Variants in DOCK3 observed in about 807,000 individuals in gnomAD.
DOCK3 encodes dedicator of cytokinesis 3.
In DOCK3, 60 loss-of-function variants were observed where a neutral mutation model predicts 265.6. That is an observed-to-expected ratio of 0.23 (90% confidence interval 0.18 to 0.28). DOCK3 has a LOEUF of 0.28. Ranked by LOEUF, DOCK3 falls within the 10% of genes least tolerant of loss-of-function variation. DOCK3 has a pLI of 1.00. For missense variants in DOCK3, 1,981 were observed against 2,594.3 expected, an observed-to-expected ratio of 0.76 and a Z score of 5.14; for synonymous variants, 881 against 938.0, an observed-to-expected ratio of 0.94 and a Z score of 1.11.
chr3:51,036,599 G>A (rs538220874), intron 5 of DOCK3, among the ~76,000 whole-genome samples: 23 of 152,106 alleles, frequency 1.5e-4, no homozygotes, highest in African/African-American at 4.8e-4. Context: ...ATACTATACC[G>A]TACTCTGATG....
chr3:50,741,986 A>G (rs920980602), intron 1 of DOCK3, among the ~76,000 whole-genome samples: 2 of 152,106 alleles, frequency 1.3e-5, no homozygotes, highest in Non-Finnish European at 2.9e-5. Flanking sequence ...GTGAGATGGT[A>G]TCTCATTGTG....
chr3:50,941,134 A>C (rs2076281978), intron 5 of DOCK3, among the ~76,000 whole-genome samples: 1 of 152,190 alleles, frequency 6.6e-6, no homozygotes, highest in African/African-American at 2.4e-5. Context: ...ATGAAAAGGT[A>C]AGCCATATAC....
At chr3:50,737,994 C>G (rs760137059) in intron 1 of DOCK3, among the ~76,000 whole-genome samples, 29 of 152,154 alleles carry the variant, frequency 1.9e-4, no homozygotes, top group Admixed American at 4.6e-4. Context: ...GTCTTCTGTG[C>G]ATTTGAAAAA....
At chr3:51,206,745 C>T (rs1313183278) in intron 12 of DOCK3, among the ~76,000 whole-genome samples, 1 of 152,000 alleles carries the variant, frequency 6.6e-6, no homozygotes, top group Admixed American at 6.6e-5. Context: ...AGAAGGGTGG[C>T]CATATGACCA....
At chr3:51,289,171 C>G (rs185793200) in intron 27 of DOCK3, among the ~76,000 whole-genome samples, 1 of 152,126 alleles carries the variant, frequency 6.6e-6, no homozygotes, top group African/African-American at 2.4e-5. Flanking sequence ...GGCCATTATC[C>G]TAAGCAAACT....
chr3:50,787,604 C>T, intron 2 of DOCK3: 7 of 1,177,064 alleles, frequency 5.9e-6, no homozygotes, highest in Non-Finnish European at 7.4e-6. Flanking sequence ...GCTTCAGGCT[C>T]CTTTGTTTCC....
At chr3:51,200,093 G>A (rs923487923) in intron 12 of DOCK3, among the ~76,000 whole-genome samples, 17 of 152,162 alleles carry the variant, frequency 1.1e-4, no homozygotes, top group African/African-American at 3.9e-4. Flanking sequence ...AAAAAACAGA[G>A]CAGAAAAACT....
At chr3:50,690,197 A>G (rs1263843163) in intron 1 of DOCK3, among the ~76,000 whole-genome samples, 2 of 148,202 alleles carry the variant, frequency 1.3e-5, no homozygotes, top group African/African-American at 5.0e-5. Context: ...GCAGTGATGC[A>G]GTTATAGTTC....
chr3:50,941,524 ATATACT>A (rs1486925920), intron 5 of DOCK3, among the ~76,000 whole-genome samples: 1 of 152,120 alleles, frequency 6.6e-6, no homozygotes, highest in African/African-American at 2.4e-5. Context: ...AAAGTTAAAC[ATATACT>A]TAATATATGA....
At chr3:50,715,604 A>G (rs2037056609) in intron 1 of DOCK3, among the ~76,000 whole-genome samples, 1 of 152,130 alleles carries the variant, frequency 6.6e-6, no homozygotes, top group Non-Finnish European at 1.5e-5. Flanking sequence ...TGGAGTGAGA[A>G]TGAGGGTGAT....
At chr3:51,014,365 A>G (rs114094839) in intron 5 of DOCK3, among the ~76,000 whole-genome samples, 83 of 152,136 alleles carry the variant, frequency 5.5e-4, no homozygotes, top group African/African-American at 8.4e-4. Flanking sequence ...TTTCTGTTCC[A>G]TACTCATTCT....
chr3:50,772,545 A>G lies in DOCK3; in HGVS notation c.38-6130A>G, dbSNP rs541295747. On this transcript the variant is annotated intron_variant, in intron 1 of 52. Coordinates refer to ENST00000266037, the MANE Select transcript of DOCK3 (RefSeq NM_004947.5). ...TCACATTGTATGCCTGTATCAAAACATCCCGTGTATACCATAAGCATTTAC... is the reference window on the plus strand; with the variant it reads ...TCACATTGTATGCCTGTATCAAAACGTCCCGTGTATACCATAAGCATTTAC... 9.4e-4 allele frequency among the ~76,000 whole-genome samples: 143 copies of G among 152,342 alleles called. 2 individuals carry two copies. The highest frequency in any genetic ancestry group is 8.5e-4 in the Non-Finnish European group (58 of 68,020).
At chr3:50,721,830 G>GT (rs1366301251) in intron 1 of DOCK3, among the ~76,000 whole-genome samples, 2 of 152,088 alleles carry the variant, frequency 1.3e-5, no homozygotes, top group South Asian at 2.1e-4. Flanking sequence ...GCATGGGAAT[G>GT]TTTTTTTCAT....
chr3:50,691,478 G>T (rs1324805713), intron 1 of DOCK3, among the ~76,000 whole-genome samples: 1 of 152,038 alleles, frequency 6.6e-6, no homozygotes, highest in Non-Finnish European at 1.5e-5. Context: ...ATGGACACTT[G>T]GGTTGTTTCT....
At chr3:50,680,553 A>G (rs1438217482) in intron 1 of DOCK3, among the ~76,000 whole-genome samples, 2 of 117,382 alleles carry the variant, frequency 1.7e-5, no homozygotes, top group African/African-American at 3.4e-5. Flanking sequence ...AGGTCTTGCT[A>G]TGTCACCCAG....
intron 49 of DOCK3, among the ~76,000 whole-genome samples, chr3:51,369,769 A>AG (rs2087538137): frequency 6.6e-6 from 1 of 152,194 alleles, no homozygotes; most frequent in South Asian, 2.1e-4. Flanking sequence ...CAGATTGTAG[A>AG]GGGAAGTGGA....
In DOCK3 at chr3:50,675,433, G is replaced by A. The variant is rs2033868465; in HGVS notation, c.37+133G>A. On this transcript the variant is annotated intron_variant, in intron 1 of 52. Coordinates refer to ENST00000266037, the MANE Select transcript of DOCK3 (RefSeq NM_004947.5). This position sits in a 1 kb window ranked among gnomAD's most constrained non-coding sequence, Gnocchi z 6.1. ...CGCGGCCTCGGCGCGGGGCGAGCGC[G>A]GGGTGGGGGCAGGTGCGGGTGCGGG... 4.8e-6 allele frequency: 4 copies of A among 830,562 alleles called. No individual in the cohort carries two copies. The African/African-American group carries it at 7.4e-5, about 15-fold the overall frequency. The allele number at this position is 830,562 out of a possible 1,614,324, so 51.4% of individuals were successfully genotyped here.
At chr3:50,850,445 C>G (rs746935320) in intron 3 of DOCK3, among the ~76,000 whole-genome samples, 9 of 151,094 alleles carry the variant, frequency 6.0e-5, no homozygotes, top group Non-Finnish European at 1.2e-4. Context: ...GCTTTGAATT[C>G]TTTATCTGTC....
intron 27 of DOCK3, among the ~76,000 whole-genome samples, chr3:51,295,290 G>T (rs1335714818): frequency 6.6e-6 from 1 of 152,264 alleles, no homozygotes; most frequent in African/African-American, 2.4e-5. Context: ...TGTGTGCAGA[G>T]ATATCATGGT....
Sources: gnomAD v4.1 joint callset for allele counts (sites outside exome capture counted in the v4.1 genomes callset) on GRCh38, gnomAD v4.1.1 for gene constraint, Gnocchi (gnomAD v3.1) non-coding constraint, MANE v1.5 for transcripts, NCBI Gene and HGNC (gene_info 2026-07-23, HGNC 2026-07-21) for gene names.